Variants in TNFRSF10D observed in about 807,000 individuals in gnomAD.
The protein encoded by TNFRSF10D is TNF receptor superfamily member 10d.
TNFRSF10D carries 28 observed loss-of-function variants against 42.1 expected under a neutral mutation model. The ratio of observed to expected loss-of-function variants is 0.66; its 90% CI spans 0.49 to 0.91. TNFRSF10D has a LOEUF of 0.91. TNFRSF10D is among the 40% of genes least tolerant of loss of function. The probability of loss-of-function intolerance (pLI) is 0.00; values close to 1 mark genes in which losing one functional copy is unlikely to be tolerated. For synonymous variants in TNFRSF10D, 186 were observed against 189.4 expected (o/e 0.98, Z 0.15); for missense variants, 503 against 486.1 (o/e 1.03, Z -0.33).
intron 7 of TNFRSF10D, among the ~76,000 whole-genome samples, chr8:23,138,830 T>C (rs1814392698): frequency 6.6e-6 from 1 of 152,216 alleles, no homozygotes; most frequent in South Asian, 2.1e-4. Flanking sequence ...CCTTTTAGAA[T>C]AGTAAGCTGT....
chr8:23,144,078 G>C (rs113209231), intron 7 of TNFRSF10D, among the ~76,000 whole-genome samples: 814 of 152,244 alleles, frequency 5.3e-3, no homozygotes, highest in African/African-American at 0.019. Flanking sequence ...GTTCAATGTA[G>C]TAAGAATTTT....
At chr8:23,142,652 C>T (rs1585258308) in intron 7 of TNFRSF10D, among the ~76,000 whole-genome samples, 3 of 152,096 alleles carry the variant, frequency 2.0e-5, no homozygotes, top group African/African-American at 7.2e-5. Flanking sequence ...GGATACTGTG[C>T]CCACAACCTG....
Position 23,137,930 on chromosome 8 carries a change from C to G in TNFRSF10D, c.1101G>C (p.Val367=). ...HAKETIQDQL[V]GSEKLFYEED... ...CTTCATAAAAGAGCTTTTCGGAGCC[C>G]ACCAGTTGGTCCTGAATTGTTTCCT... The change falls in exon 9 of 9, where the codon GTG becomes GTC. Residue 367 remains valine, a synonymous_variant. Coordinates refer to ENST00000312584, the MANE Select transcript of TNFRSF10D (RefSeq NM_003840.5). 6.2e-7 allele frequency: 1 copy of G among 1,614,214 alleles called. No individual in the cohort carries two copies. The highest frequency in any genetic ancestry group is 1.1e-5 in the South Asian group (1 of 91,080).
Position 23,146,818 on chromosome 8 carries a change from A to G in TNFRSF10D, c.482+143T>C, listed in dbSNP as rs539838785. The G allele has an allele frequency of 5.9e-6, 4 of 674,358 alleles. No homozygotes were observed. In the African/African-American group the frequency reaches 7.3e-5, roughly 12 times the overall value. 41.8% of individuals were successfully genotyped at this position (674,358 alleles called of 1,614,324 possible). On this transcript the variant is annotated intron_variant, in intron 4 of 8. Coordinates refer to ENST00000312584, the MANE Select transcript of TNFRSF10D (RefSeq NM_003840.5). ...CAGGCAGATGGACCAGGAGGGGCCA[A>G]CGCAGGCTCAGGAAACCCCACAGGC...
In TNFRSF10D at chr8:23,144,457, C is replaced by T. The variant is rs148918013; in HGVS notation, c.947G>A (p.Arg316His). 4.6e-5 allele frequency: 74 copies of T among 1,613,766 alleles called. No individual in the cohort carries two copies. The highest frequency in any genetic ancestry group is 1.5e-4 in the African/African-American group (11 of 75,058). Residue 316 changes from arginine to histidine, a missense_variant, in exon 7 of 9, where the codon CGT (arginine) becomes CAT (histidine). By Grantham distance (29) the Arg-to-His change is conservative. Transcript: ENST00000312584. ...AGTCCCTCCTCAACTCACCAGCAGA[C>T]GCTGTGGCTCCTCTGGCAACTCTAC... ...VTVELPEEPQRLLEQAEAEGC... is the reference protein window; with the variant it reads ...VTVELPEEPQHLLEQAEAEGC...
At position 23,159,934 on chromosome 8, in the gene TNFRSF10D, C is replaced by CA. The variant is rs112736710; in HGVS notation, c.150+3851dup. 9.2e-3 allele frequency among the ~76,000 whole-genome samples: 1,241 copies of CA among 135,538 alleles called. 17 individuals are homozygous for CA. The highest frequency in any genetic ancestry group is 0.027 in the African/African-American group (997 of 36,792). 88.9% of individuals were successfully genotyped at this position (135,538 alleles called of 152,430 possible). ...TGTCAATTTAATTCTCAGGTCCAGCCAAAAAAAAAAAGCCCTTCAAGGGGA... is the reference window on the plus strand; with the variant it reads ...TGTCAATTTAATTCTCAGGTCCAGCCAAAAAAAAAAAAGCCCTTCAAGGGGA... On this transcript the variant is annotated intron_variant, in intron 1 of 8. Coordinates refer to ENST00000312584, the MANE Select transcript of TNFRSF10D (RefSeq NM_003840.5).
intron 7 of TNFRSF10D, among the ~76,000 whole-genome samples, chr8:23,139,123 GA>G (rs1814398946): frequency 6.6e-6 from 1 of 152,170 alleles, no homozygotes; most frequent in Admixed American, 6.5e-5. Flanking sequence ...ATGTCTGGAG[GA>G]ATGTTAAAAA....
At chr8:23,147,122 T>A in intron 3 of TNFRSF10D, 50 bp from the exon 4 acceptor site, 1 of 1,489,770 alleles carries the variant, frequency 6.7e-7, no homozygotes, top group East Asian at 2.3e-5. Flanking sequence ...GACATGTCTG[T>A]CCACCCTTCC....
Position 23,163,889 on chromosome 8 carries a change from G to T in TNFRSF10D, c.47C>A (p.Ala16Glu), listed in dbSNP as rs1404268731. ...QSVPTASSAR[A>E]GRYPGARTAS... ...TGTCCTGGCTCCTGGATAGCGCCCT[G>T]CTCGAGCGCTCGAGGCGGTCGGGAC... Residue 16 changes from alanine to glutamate, a missense_variant, in exon 1 of 9, where the codon GCA (alanine) becomes GAA (glutamate). Physicochemically the swap from Ala to Glu is moderately radical, Grantham distance 107. Transcript: ENST00000312584. 2 of 1,594,610 alleles carry T rather than the reference G, an allele frequency of 1.3e-6. No individual in the cohort carries two copies. The highest frequency in any genetic ancestry group is 1.7e-6 in the Non-Finnish European group (2 of 1,172,578).
At chr8:23,158,003 G>A (rs531143682) in intron 1 of TNFRSF10D, among the ~76,000 whole-genome samples, 104 of 152,332 alleles carry the variant, frequency 6.8e-4, no homozygotes, top group Non-Finnish European at 1.4e-3. Context: ...AAGATTTCAG[G>A]AGTGGGGAGA....
chr8:23,162,669 C>T (rs1479436717), intron 1 of TNFRSF10D, among the ~76,000 whole-genome samples: 1 of 152,188 alleles, frequency 6.6e-6, no homozygotes, highest in African/African-American at 2.4e-5. Flanking sequence ...ACAACGAGAA[C>T]TTTACATCTT....
Position 23,137,251 on chromosome 8 carries a change from A to G in TNFRSF10D, c.*619T>C, listed in dbSNP as rs1171657347. On this transcript the variant is annotated 3_prime_UTR_variant, in exon 9 of 9. Coordinates refer to ENST00000312584, the MANE Select transcript of TNFRSF10D (RefSeq NM_003840.5). ...AGGGCTACGTCTTGATAATCTCATC[A>G]TTAAGTCAAAAATATCCGAAACTGA... 1 of 152,294 alleles carries G rather than the reference A, an allele frequency of 6.6e-6. No individual in the cohort carries two copies. Among genetic ancestry groups the G allele is most frequent in the East Asian group, 1.9e-4 (1 of 5,192 alleles). The allele number at this position is 152,294 out of a possible 1,614,324, so 9.4% of individuals were successfully genotyped here.
In TNFRSF10D at chr8:23,147,630, T is replaced by C. The variant is rs147694020; in HGVS notation, c.371-558A>G. On this transcript the variant is annotated intron_variant, in intron 3 of 8. Transcript: ENST00000312584. ...GATTTCCCAGCCTGGTGGCATGCAT[T>C]ACAGAAAAGATTTTGGCCAGGCGCA... Among the ~76,000 whole-genome samples, 731 of 152,216 alleles carry C rather than the reference T, an allele frequency of 4.8e-3. 2 individuals carry two copies. Among genetic ancestry groups the C allele is most frequent in the Non-Finnish European group, 8.5e-3 (579 of 68,000 alleles).
rs1355206442 is a variant in TNFRSF10D, at chr8:23,163,908, T to G, written c.28A>C (p.Thr10Pro). Reference protein sequence around the residue: MGLWGQSVPTASSARAGRYP... With the variant: MGLWGQSVPPASSARAGRYP... ...CGCCCTGCTCGAGCGCTCGAGGCGGTCGGGACGCTTTGTCCCCAAAGTCCC... is the reference window on the plus strand; with the variant it reads ...CGCCCTGCTCGAGCGCTCGAGGCGGGCGGGACGCTTTGTCCCCAAAGTCCC... The change falls in exon 1 of 9, where the codon ACC becomes CCC. Residue 10 changes from threonine to proline, a missense_variant. Transcript: ENST00000312584. 1.1e-5 allele frequency: 17 copies of G among 1,584,548 alleles called. No individual in the cohort carries two copies. The highest frequency in any genetic ancestry group is 1.4e-5 in the African/African-American group (1 of 71,606).
intron 1 of TNFRSF10D, among the ~76,000 whole-genome samples, chr8:23,163,097 T>C (rs1244548499): frequency 7.5e-6 from 1 of 132,542 alleles, no homozygotes; most frequent in Admixed American, 7.4e-5. Context: ...AACTTTTTTT[T>C]TTTTTTTTTT....
chr8:23,155,983 C>G (rs986539509), intron 1 of TNFRSF10D, among the ~76,000 whole-genome samples: 1 of 152,058 alleles, frequency 6.6e-6, no homozygotes, highest in Admixed American at 6.5e-5. Context: ...CACTAAATAT[C>G]AAAGAGTGAC....
chr8:23,151,680 GT>G (rs899011188), intron 2 of TNFRSF10D, among the ~76,000 whole-genome samples: 2 of 152,166 alleles, frequency 1.3e-5, no homozygotes, highest in African/African-American at 4.8e-5. Flanking sequence ...AAGGTGTCAA[GT>G]TTTTTATGAG....
chr8:23,142,334 A>G (rs775496300), intron 7 of TNFRSF10D, among the ~76,000 whole-genome samples: 2 of 152,196 alleles, frequency 1.3e-5, no homozygotes, highest in Non-Finnish European at 2.9e-5. Context: ...TAGCAGTGAC[A>G]TGGAATCAAC....
intron 2 of TNFRSF10D, among the ~76,000 whole-genome samples, chr8:23,148,923 G>A (rs981500903): frequency 7.9e-5 from 12 of 151,368 alleles, no homozygotes; most frequent in East Asian, 2.0e-4. Context: ...AGGCACGGTG[G>A]CTCACGCCTG....
Sources: gnomAD v4.1 joint callset for allele counts (sites outside exome capture counted in the v4.1 genomes callset) on GRCh38, gnomAD v4.1.1 for gene constraint, MANE v1.5 for transcripts, NCBI Gene and HGNC (gene_info 2026-07-23, HGNC 2026-07-21) for gene names.